The following TPD52L1 variants were observed in gnomAD, a reference collection of about 807,000 sequenced individuals.
The protein encoded by TPD52L1 is TPD52 like 1, also known as tumor protein D53.
In TPD52L1, 18 loss-of-function variants were observed where a neutral mutation model predicts 28.7. The ratio of observed to expected loss-of-function variants is 0.63; its 90% CI spans 0.43 to 0.93. TPD52L1 has a LOEUF of 0.93. Ranked by LOEUF, TPD52L1 falls within the 40% of genes least tolerant of loss-of-function variation. The probability of loss-of-function intolerance (pLI) is 0.00; values close to 1 mark genes in which losing one functional copy is unlikely to be tolerated. For missense variants in TPD52L1, 203 were observed against 254.8 expected (o/e 0.80, Z 1.39); for synonymous variants, 75 against 88.8 (o/e 0.84, Z 0.88).
intron 1 of TPD52L1, among the ~76,000 whole-genome samples, chr6:125,199,164 T>G (rs929010585): frequency 6.6e-6 from 1 of 152,246 alleles, no homozygotes; most frequent in Non-Finnish European, 1.5e-5. Context: ...GTTTTTGTGG[T>G]TTTGACTTAA....
chr6:125,168,067 CACTT>C (rs1301449106), intron 1 of TPD52L1, among the ~76,000 whole-genome samples: 1 of 152,146 alleles, frequency 6.6e-6, no homozygotes, highest in African/African-American at 2.4e-5. Context: ...GCCAGTTTAT[CACTT>C]ACTATCTCAA....
chr6:125,166,511 C>T (rs149187704), intron 1 of TPD52L1, among the ~76,000 whole-genome samples: 26 of 152,226 alleles, frequency 1.7e-4, no homozygotes, highest in African/African-American at 6.3e-4. Context: ...TTGGAAGGCT[C>T]TCATAAGCAT....
chr6:125,243,926 A>G (rs537748561), intron 3 of TPD52L1, among the ~76,000 whole-genome samples: 40 of 152,142 alleles, frequency 2.6e-4, no homozygotes, highest in African/African-American at 9.4e-4. Flanking sequence ...TGGGTAGACT[A>G]TTTCTTAAAA....
chr6:125,253,828 T>C, intron 5 of TPD52L1, 73 bp downstream of exon 5: 1 of 1,362,032 alleles, frequency 7.3e-7, no homozygotes, highest in Non-Finnish European at 1.1e-6. Flanking sequence ...TTATATTTAC[T>C]TATGGGGTTC....
chr6:125,185,311 G>A (rs1048802457), intron 1 of TPD52L1, among the ~76,000 whole-genome samples: 2 of 152,126 alleles, frequency 1.3e-5, no homozygotes, highest in African/African-American at 2.4e-5. Context: ...ATATATCACA[G>A]AATTTTATAT....
chr6:125,239,599 T>C (rs1451596465), intron 3 of TPD52L1, among the ~76,000 whole-genome samples: 4 of 152,194 alleles, frequency 2.6e-5, no homozygotes, highest in Non-Finnish European at 5.9e-5. Flanking sequence ...GTAGAACTTA[T>C]GGGAGCTACA....
At chr6:125,184,996 G>A (rs1004474051) in intron 1 of TPD52L1, among the ~76,000 whole-genome samples, 1 of 152,012 alleles carries the variant, frequency 6.6e-6, no homozygotes, top group Admixed American at 6.6e-5. Flanking sequence ...TTTCTTAAAG[G>A]TTAGGGAAGT....
chr6:125,259,099 C>G (rs1336769922), intron 6 of TPD52L1, among the ~76,000 whole-genome samples: 1 of 151,968 alleles, frequency 6.6e-6, no homozygotes, highest in Non-Finnish European at 1.5e-5. Context: ...TCCAAAATGT[C>G]TATATTGTTC....
intron 1 of TPD52L1, among the ~76,000 whole-genome samples, chr6:125,198,600 C>T (rs1479604035): frequency 1.3e-5 from 2 of 152,176 alleles, no homozygotes; most frequent in Non-Finnish European, 2.9e-5. Flanking sequence ...CTATGAACGT[C>T]AATTTTCCTC....
intron 1 of TPD52L1, among the ~76,000 whole-genome samples, chr6:125,158,405 ACATTATACATTATACTT>A (rs1790282556): frequency 2.6e-5 from 4 of 152,038 alleles, no homozygotes; most frequent in African/African-American, 9.7e-5. Flanking sequence ...TATACATTCT[ACATTATACATTATACTT>A]TACATTATAC....
chr6:125,254,831 C>T (rs147289213), intron 5 of TPD52L1, among the ~76,000 whole-genome samples: 2 of 152,280 alleles, frequency 1.3e-5, no homozygotes, highest in African/African-American at 4.8e-5. Context: ...GATTAAAGAG[C>T]TTCTCCCTGT....
At position 125,254,764 on chromosome 6, in the gene TPD52L1, TAA is replaced by T. The variant is rs1460058370; in HGVS notation, c.425+1014_425+1015del. 3.3e-5 allele frequency among the ~76,000 whole-genome samples: 5 copies of T among 151,928 alleles called. No individual in the cohort carries two copies. The East Asian group carries it at 9.9e-4, about 30-fold the overall frequency. ...TTCTTCCTAGGGTCATTTGCAGTGC[TAA>T]AAAAGTTTGTACATCTGATTAAATC... On this transcript the variant is annotated intron_variant, in intron 5 of 6. Transcript: ENST00000534000.
chr6:125,187,700 C>T (rs1792733272), intron 1 of TPD52L1, among the ~76,000 whole-genome samples: 1 of 152,008 alleles, frequency 6.6e-6, no homozygotes, highest in African/African-American at 2.4e-5. Flanking sequence ...CAAACAGTGG[C>T]AAAGACTCTG....
chr6:125,248,137 A>G (rs1423228937), intron 3 of TPD52L1, 145 bp from the exon 4 acceptor site: 1 of 667,842 alleles, frequency 1.5e-6, no homozygotes, highest in Admixed American at 2.6e-5. Context: ...TCATCCCCAG[A>G]CAATGAATGG....
intron 3 of TPD52L1, among the ~76,000 whole-genome samples, chr6:125,245,825 C>A (rs1335476253): frequency 6.6e-6 from 1 of 152,208 alleles, no homozygotes; most frequent in Admixed American, 6.5e-5. Flanking sequence ...AGACCTGCCC[C>A]AGGCCATAGG....
At chr6:125,177,855 T>G (rs1447375663) in intron 1 of TPD52L1, among the ~76,000 whole-genome samples, 1 of 152,202 alleles carries the variant, frequency 6.6e-6, no homozygotes, top group African/African-American at 2.4e-5. Flanking sequence ...ACACATTCAA[T>G]TAATATACTC....
At position 125,166,773 on chromosome 6, in the gene TPD52L1, TAA is replaced by T. The variant is rs138251121; in HGVS notation, c.19+12818_19+12819del. Among the ~76,000 whole-genome samples, 498 of 137,494 alleles carry T rather than the reference TAA, an allele frequency of 3.6e-3. 3 individuals carry two copies. Among genetic ancestry groups the T allele is most frequent in the African/African-American group, 0.012 (453 of 38,414 alleles). The allele number at this position is 137,494 out of a possible 152,430, so 90.2% of individuals were successfully genotyped here. On this transcript the variant is annotated intron_variant, in intron 1 of 6. Coordinates refer to ENST00000534000, the MANE Select transcript of TPD52L1 (RefSeq NM_003287.4). ...ATATTGAGAGAGCAAATGACTTCTT[TAA>T]AAAAAAAAAAAAAAGATAAATGGGT...
Position 125,197,906 on chromosome 6 carries a change from A to C in TPD52L1, c.20-22172A>C, listed in dbSNP as rs544984859. ...GAGTTCACTCAGGAAAGGCTGGGTA[A>C]ATGCTGCAGCTCAAGGTCAGTGTGA... is the stretch of plus-strand genomic sequence containing the variant. On this transcript the variant is annotated intron_variant, in intron 1 of 6. Transcript: ENST00000534000. 2.0e-5 allele frequency among the ~76,000 whole-genome samples: 3 copies of C among 152,318 alleles called. No individual in the cohort carries two copies. The East Asian group carries it at 5.8e-4, about 29-fold the overall frequency.
intron 1 of TPD52L1, among the ~76,000 whole-genome samples, chr6:125,170,287 G>A (rs78951566): frequency 0.06 from 9,068 of 151,970 alleles, 345 homozygotes; most frequent in Middle Eastern, 0.096. Flanking sequence ...ATGTGACAAG[G>A]GGCAGGTATT....
Sources: gnomAD v4.1 joint callset for allele counts (sites outside exome capture counted in the v4.1 genomes callset) on GRCh38, gnomAD v4.1.1 for gene constraint, MANE v1.5 for transcripts, NCBI Gene and HGNC (gene_info 2026-07-23, HGNC 2026-07-21) for gene names.